The following SERPINE2 variants were observed in gnomAD, a reference collection of about 807,000 sequenced individuals.
The protein encoded by SERPINE2 is serpin family E member 2, also known as glia-derived nexin.
Under a neutral mutation model 36.3 loss-of-function variants are expected in SERPINE2, and 14 were observed. That is an observed-to-expected ratio of 0.39 (90% CI 0.25 to 0.60). The LOEUF (loss-of-function observed/expected upper bound fraction) is 0.60. SERPINE2 is among the 20% of genes least tolerant of loss of function. SERPINE2 has a pLI of 0.57. For synonymous variants in SERPINE2, 192 were observed against 191.8 expected (o/e 1.00, Z -0.01); for missense variants, 418 against 499.6 (o/e 0.84, Z 1.56).
chr2:223,997,468 C>T (rs1690936700), intron 3 of SERPINE2, among the ~76,000 whole-genome samples: 1 of 152,194 alleles, frequency 6.6e-6, no homozygotes, highest in Non-Finnish European at 1.5e-5. Flanking sequence ...GATCCACCCA[C>T]CTTGGCCTCC....
At chr2:223,985,036 G>A in intron 4 of SERPINE2, 86 bp from the exon 5 acceptor site, 1 of 1,161,846 alleles carries the variant, frequency 8.6e-7, no homozygotes, top group South Asian at 1.3e-5. Flanking sequence ...GATAGCTTCA[G>A]AGAGCAACTC....
chr2:224,014,620 T>C (rs1173706433), intron 1 of SERPINE2, among the ~76,000 whole-genome samples: 2 of 152,136 alleles, frequency 1.3e-5, no homozygotes, highest in Non-Finnish European at 2.9e-5. Context: ...GACATAACTC[T>C]TCAGTGTGGG....
intron 1 of SERPINE2, among the ~76,000 whole-genome samples, chr2:224,004,222 T>A (rs1423290908): frequency 6.6e-6 from 1 of 152,188 alleles, no homozygotes; most frequent in Non-Finnish European, 1.5e-5. Flanking sequence ...AGAGCCACCA[T>A]CACATCGAGC....
chr2:224,005,251 C>T lies in SERPINE2; in HGVS notation c.-22-3329G>A, dbSNP rs552162556. Among the ~76,000 whole-genome samples the T allele has an allele frequency of 5.3e-5, 8 of 151,710 alleles. No individual in the cohort carries two copies. In the East Asian group the frequency reaches 1.6e-3, roughly 29 times the overall value. On this transcript the variant is annotated intron_variant, in intron 1 of 8. Transcript: ENST00000409304. ...AAATTTTCGCTAAAAGAACAGTTTT[C>T]CTATGACACGGAAGAAAGCTGTTAT...
chr2:223,984,277 T>TCTTA (rs1156605941), intron 5 of SERPINE2, among the ~76,000 whole-genome samples: 2 of 152,204 alleles, frequency 1.3e-5, no homozygotes, highest in African/African-American at 4.8e-5. Flanking sequence ...TCCATCTTTG[T>TCTTA]CTTACTCTTA....
chr2:224,001,969 C>A, intron 1 of SERPINE2, 47 bp from the exon 2 acceptor site: 4 of 1,442,914 alleles, frequency 2.8e-6, no homozygotes, highest in Non-Finnish European at 2.8e-6. Context: ...TAAATGGGTA[C>A]TTTACTACTT....
chr2:224,005,065 T>TATATATATATATATA lies in SERPINE2; in HGVS notation c.-22-3144_-22-3143insTATATATATATATAT, dbSNP rs1553547020. 8.1e-4 allele frequency among the ~76,000 whole-genome samples: 27 copies of TATATATATATATATA among 33,532 alleles called. 1 individual carries two copies. Among genetic ancestry groups the TATATATATATATATA allele is most frequent in the Non-Finnish European group, 1.2e-3 (19 of 15,546 alleles). The allele number at this position is 33,532 out of a possible 152,430, so 22.0% of individuals were successfully genotyped here. A position where few individuals can be genotyped will look rare whatever the true frequency, so the allele number is the denominator to read the frequency against. Reference sequence around the variant, plus strand: ...ATATATTTTATATATTTTATATATATTATATATATATATATATATATATAT... The same window carrying TATATATATATATATA: ...ATATATTTTATATATTTTATATATATATATATATATATATATATATATATATATATATATATATAT... On this transcript the variant is annotated intron_variant, in intron 1 of 8. Coordinates refer to ENST00000409304, the MANE Select transcript of SERPINE2 (RefSeq NM_001136528.2).
At chr2:223,995,862 G>C (rs1461836368) in intron 3 of SERPINE2, among the ~76,000 whole-genome samples, 1 of 152,154 alleles carries the variant, frequency 6.6e-6, no homozygotes, top group African/African-American at 2.4e-5. Flanking sequence ...CTGAGACTCT[G>C]ACTACTTTAT....
At chr2:224,019,154 A>G (rs1691902858) in intron 1 of SERPINE2, among the ~76,000 whole-genome samples, 2 of 152,224 alleles carry the variant, frequency 1.3e-5, no homozygotes, top group South Asian at 4.1e-4. Context: ...GGAACCCTAT[A>G]TACACTATGT....
At chr2:224,005,065 T>TTTTATATATA (rs1553547021) in intron 1 of SERPINE2, among the ~76,000 whole-genome samples, 5 of 33,578 alleles carry the variant, frequency 1.5e-4, no homozygotes, top group African/African-American at 3.0e-4. Flanking sequence ...TTTATATATA[T>TTTTATATATA]TATATATATA....
chr2:223,985,106 T>C, intron 4 of SERPINE2, 156 bp from the exon 5 acceptor site: 1 of 632,246 alleles, frequency 1.6e-6, no homozygotes, highest in Non-Finnish European at 2.8e-6. Flanking sequence ...ACAAGGACAA[T>C]TATTTCTTCC....
intron 4 of SERPINE2, among the ~76,000 whole-genome samples, chr2:223,986,890 C>T (rs1307858057): frequency 1.3e-5 from 2 of 152,106 alleles, no homozygotes; most frequent in African/African-American, 4.8e-5. Flanking sequence ...AAGCTGATGA[C>T]CAGTGGTAGC....
intron 1 of SERPINE2, among the ~76,000 whole-genome samples, chr2:224,012,794 G>C (rs7602990): frequency 1.3e-5 from 2 of 152,118 alleles, no homozygotes; most frequent in Non-Finnish European, 2.9e-5. Context: ...ATCAGGAACT[G>C]AGACTCTGGA....
chr2:224,009,116 T>C (rs1289504059), intron 1 of SERPINE2, among the ~76,000 whole-genome samples: 1 of 152,100 alleles, frequency 6.6e-6, no homozygotes, highest in Non-Finnish European at 1.5e-5. Flanking sequence ...ATCCTAACAG[T>C]GCAGATGCCA....
chr2:223,998,729 C>T (rs967540945), intron 2 of SERPINE2, among the ~76,000 whole-genome samples: 1 of 152,112 alleles, frequency 6.6e-6, no homozygotes, highest in Non-Finnish European at 1.5e-5. Context: ...ATAAAAATAA[C>T]AGAACAGTAT....
rs1216594064 is a variant in SERPINE2, at chr2:223,977,560, G to T, written c.1140C>A (p.Ile380=). 3.1e-6 allele frequency: 5 copies of T among 1,609,844 alleles called. No individual in the cohort carries two copies. Among genetic ancestry groups the T allele is most frequent in the Non-Finnish European group, 4.3e-6 (5 of 1,176,178 alleles). Residue 380 remains isoleucine, a synonymous_variant, in exon 8 of 9, where the codon ATC becomes ATA. Coordinates refer to ENST00000409304, the MANE Select transcript of SERPINE2 (RefSeq NM_001136528.2). ...FIVDRPFLFF[I]RHNPTGAVLF... Reference sequence around the variant, plus strand: ...GTCACTTACCTGTAGGATTATGTCGGATGAAAAACAGAAAAGGTCTGTCTA... The same window carrying T: ...GTCACTTACCTGTAGGATTATGTCGTATGAAAAACAGAAAAGGTCTGTCTA...
chr2:224,037,159 G>A (rs1692562237), intron 1 of SERPINE2, among the ~76,000 whole-genome samples: 1 of 152,204 alleles, frequency 6.6e-6, no homozygotes, highest in Non-Finnish European at 1.5e-5. Flanking sequence ...AAAGTACCCA[G>A]ACACAGTAGA....
Position 223,977,550 on chromosome 2 carries a change from G to T in SERPINE2, c.1150C>A (p.Pro384Thr), listed in dbSNP as rs199680465. 8.7e-6 allele frequency: 14 copies of T among 1,602,348 alleles called. No individual in the cohort carries two copies. The highest frequency in any genetic ancestry group is 1.3e-5 in the African/African-American group (1 of 74,810). ...RPFLFFIRHN[P>T]TGAVLFMGQI... The stretch of plus-strand genomic sequence containing the variant: ...GAAGAGGAGAGTCACTTACCTGTAG[G>T]ATTATGTCGGATGAAAAACAGAAAA... The change falls in exon 8 of 9, where the codon CCT (proline) becomes ACT (threonine). Residue 384 changes from proline (P) to threonine (T), a missense_variant. Coordinates refer to ENST00000409304, the MANE Select transcript of SERPINE2 (RefSeq NM_001136528.2).
At chr2:224,001,343 G>A (rs900403889) in intron 2 of SERPINE2, among the ~76,000 whole-genome samples, 15 of 152,314 alleles carry the variant, frequency 9.8e-5, no homozygotes, top group African/African-American at 2.9e-4. Flanking sequence ...CCATGGAGGC[G>A]GTAAGCCAGG....
Sources: allele counts gnomAD v4.1 joint callset (sites outside exome capture counted in the v4.1 genomes callset), GRCh38; gene constraint gnomAD v4.1.1; transcripts MANE v1.5; gene names NCBI Gene and HGNC (gene_info 2026-07-23, HGNC 2026-07-21).